The following AGAP1 variants were observed in gnomAD, a reference collection of about 807,000 sequenced individuals.
The protein encoded by AGAP1 is arf-GAP with GTPase, ANK repeat and PH domain-containing protein 1.
Under a neutral mutation model 105.3 loss-of-function variants are expected in AGAP1, and 29 were observed. That is an observed-to-expected ratio of 0.28 (90% CI 0.21 to 0.38). The LOEUF is 0.38. Ranked by LOEUF, AGAP1 falls within the 10% of genes least tolerant of loss-of-function variation. The probability of loss-of-function intolerance (pLI) is 1.00; values close to 1 mark genes in which losing one functional copy is unlikely to be tolerated. For missense variants in AGAP1, 998 were observed against 1,165.1 expected, an observed-to-expected ratio of 0.86 and a Z score of 2.09; for synonymous variants, 509 against 485.9, an observed-to-expected ratio of 1.05 and a Z score of -0.63.
chr2:236,035,217 G>T lies in AGAP1; in HGVS notation c.1646-1344G>T, dbSNP rs115226689. On this transcript the variant is annotated intron_variant, in intron 13 of 17. Coordinates refer to ENST00000304032, the MANE Select transcript of AGAP1 (RefSeq NM_001037131.3). The surrounding 1 kb of genome is among the most constrained non-coding windows in gnomAD (Gnocchi z 4.2). ...AGATAAGTAAAGTGGTTGGCAGGCA[G>T]GTAGGTGAAAGTCAGTACTAATAAT... 2.0e-3 allele frequency among the ~76,000 whole-genome samples: 298 copies of T among 152,304 alleles called. No individual in the cohort carries two copies. The highest frequency in any genetic ancestry group is 7.0e-3 in the African/African-American group (292 of 41,562).
Position 236,120,246 on chromosome 2 carries a change from C to T in AGAP1, c.2169C>T (p.Ala723=). 1.2e-6 allele frequency: 2 copies of T among 1,613,408 alleles called. No homozygotes were observed. Among genetic ancestry groups the T allele is most frequent in the Non-Finnish European group, 1.7e-6 (2 of 1,179,638 alleles). The change falls in exon 17 of 18, where the codon GCC becomes GCT. Residue 723 remains alanine (A), a synonymous_variant. Coordinates refer to ENST00000304032, the MANE Select transcript of AGAP1 (RefSeq NM_001037131.3). The surrounding 1 kb of genome is among the most constrained non-coding windows in gnomAD (Gnocchi z 6.0). ...AGTACGAGCAGAAGCTCTTCCTGGC[C>T]CCGCTGCCCTGCACGGAGCTGTCCC... ...RAKYEQKLFL[A]PLPCTELSLG... is the part of the protein sequence containing the mutation.
Position 235,535,541 on chromosome 2 carries a change from C to T in AGAP1, c.163+40692C>T, listed in dbSNP as rs1325352097. Among the ~76,000 whole-genome samples, 1 of 151,780 alleles carries T rather than the reference C, an allele frequency of 6.6e-6. No individual in the cohort carries two copies. Among genetic ancestry groups the T allele is most frequent in the Non-Finnish European group, 1.5e-5 (1 of 67,944 alleles). ...GAAATCCGTGTCCTCTTTATCCTCC[C>T]CTCTCTCTGTTCTGCGCGGCAGGTA... On this transcript the variant is annotated intron_variant, in intron 1 of 17. Coordinates refer to ENST00000304032, the MANE Select transcript of AGAP1 (RefSeq NM_001037131.3). The surrounding 1 kb of genome is among the most constrained non-coding windows in gnomAD (Gnocchi z 5.1).
chr2:235,816,492 C>G (rs1387546953), intron 9 of AGAP1, among the ~76,000 whole-genome samples: 1 of 151,148 alleles, frequency 6.6e-6, no homozygotes, highest in Non-Finnish European at 1.5e-5. Context: ...GACTCCAGGT[C>G]AGACTTAGGA....
intron 1 of AGAP1, among the ~76,000 whole-genome samples, chr2:235,554,659 A>G (rs1281577303): frequency 6.6e-6 from 1 of 152,128 alleles, no homozygotes; most frequent in Non-Finnish European, 1.5e-5. Flanking sequence ...TTTCCCTTTT[A>G]AAATCACGGA....
At position 235,737,766 on chromosome 2, in the gene AGAP1, G is replaced by A. The variant is rs145834728; in HGVS notation, c.311-3197G>A. On this transcript the variant is annotated intron_variant, in intron 3 of 17. Coordinates refer to ENST00000304032, the MANE Select transcript of AGAP1 (RefSeq NM_001037131.3). This position sits in a 1 kb window ranked among gnomAD's most constrained non-coding sequence, Gnocchi z 4.5. ...TCCCACTCCTGGAGAGGTAGGCAGC[G>A]AGGGACACTGGCGTTGCAGGGCCCC... Among the ~76,000 whole-genome samples the A allele has an allele frequency of 6.2e-3, 946 of 152,214 alleles. 15 individuals carry two copies. The highest frequency in any genetic ancestry group is 0.022 in the African/African-American group (895 of 41,526).
intron 1 of AGAP1, among the ~76,000 whole-genome samples, chr2:235,646,437 A>G (rs144985182): frequency 6.6e-6 from 1 of 152,314 alleles, no homozygotes; most frequent in East Asian, 1.9e-4. Flanking sequence ...GCAAGACTTG[A>G]AATGCAACAT....
chr2:235,590,903 A>G (rs1448096504), intron 1 of AGAP1, among the ~76,000 whole-genome samples: 1 of 149,728 alleles, frequency 6.7e-6, no homozygotes, highest in Non-Finnish European at 1.5e-5. Context: ...TTGTATTTTT[A>G]GTAGAGACGG....
intron 9 of AGAP1, among the ~76,000 whole-genome samples, chr2:235,869,930 T>TA (rs1244543592): frequency 6.6e-6 from 1 of 152,194 alleles, no homozygotes; most frequent in African/African-American, 2.4e-5. Flanking sequence ...CCCAGGGGTG[T>TA]AAAGCAGGAG....
chr2:235,699,513 C>T (rs1466637764), intron 1 of AGAP1, among the ~76,000 whole-genome samples: 2 of 152,124 alleles, frequency 1.3e-5, no homozygotes, highest in African/African-American at 4.8e-5. Flanking sequence ...ATCCTGGATA[C>T]TCCCTCCCTC....
At chr2:235,978,785 C>T (rs1453495674) in intron 13 of AGAP1, among the ~76,000 whole-genome samples, 2 of 152,172 alleles carry the variant, frequency 1.3e-5, no homozygotes, top group African/African-American at 2.4e-5. Context: ...GCCATGCCCA[C>T]GGCTCCCCAC....
At chr2:235,758,674 A>G (rs1000444812) in intron 6 of AGAP1, among the ~76,000 whole-genome samples, 10 of 152,250 alleles carry the variant, frequency 6.6e-5, no homozygotes, top group African/African-American at 1.9e-4. Flanking sequence ...CAAAGATGAC[A>G]TGAAGAAAGT....
In AGAP1 at chr2:235,559,113, G is replaced by A. The variant is rs372573525; in HGVS notation, c.163+64264G>A. On this transcript the variant is annotated intron_variant, in intron 1 of 17. Coordinates refer to ENST00000304032, the MANE Select transcript of AGAP1 (RefSeq NM_001037131.3). The surrounding 1 kb of genome is among the most constrained non-coding windows in gnomAD (Gnocchi z 5.7). ...AATATTTTGTATTCGTGTGTGTGTA[G>A]GTGGGGTCTTGCCATGTTGCCCAGG... is the stretch of plus-strand genomic sequence containing the variant. Among the ~76,000 whole-genome samples, 17 of 152,224 alleles carry A rather than the reference G, an allele frequency of 1.1e-4. No individual in the cohort carries two copies. The highest frequency in any genetic ancestry group is 3.9e-4 in the African/African-American group (16 of 41,530).
intron 1 of AGAP1, among the ~76,000 whole-genome samples, chr2:235,686,273 A>G (rs1949375712): frequency 6.6e-6 from 1 of 152,062 alleles, no homozygotes; most frequent in South Asian, 2.1e-4. Flanking sequence ...CAAGGTGAAT[A>G]GATGGTCAGA....
chr2:235,975,388 T>G (rs557593811), intron 13 of AGAP1, among the ~76,000 whole-genome samples: 1 of 152,204 alleles, frequency 6.6e-6, no homozygotes, highest in Non-Finnish European at 1.5e-5. Context: ...GCGTGGAAGC[T>G]CTCAGTTAAT....
At chr2:235,928,434 C>G (rs975580884) in intron 11 of AGAP1, among the ~76,000 whole-genome samples, 4 of 152,212 alleles carry the variant, frequency 2.6e-5, no homozygotes, top group Non-Finnish European at 4.4e-5. Context: ...GGTCACCCAG[C>G]AAGACAACTG....
At position 236,036,835 on chromosome 2, in the gene AGAP1, C is replaced by G; in HGVS notation, c.1800+120C>G. The stretch of plus-strand genomic sequence containing the variant: ...GTGTGAATGACAGGACCTAGCTATT[C>G]TTTATGAGCAGAAAGCTCAATAACT... On this transcript the variant is annotated intron_variant, in intron 14 of 17. Coordinates refer to ENST00000304032, the MANE Select transcript of AGAP1 (RefSeq NM_001037131.3). The surrounding 1 kb of genome is among the most constrained non-coding windows in gnomAD (Gnocchi z 5.7). 2 of 1,427,404 alleles carry G rather than the reference C, an allele frequency of 1.4e-6. No individual in the cohort carries two copies. The highest frequency in any genetic ancestry group is 1.9e-6 in the Non-Finnish European group (2 of 1,071,734). 88.4% of individuals were successfully genotyped at this position (1,427,404 alleles called of 1,614,324 possible). A position where few individuals can be genotyped will look rare whatever the true frequency, so the allele number is the denominator to read the frequency against.
At chr2:235,644,303 G>A (rs1947300054) in intron 1 of AGAP1, among the ~76,000 whole-genome samples, 2 of 152,198 alleles carry the variant, frequency 1.3e-5, no homozygotes, top group Admixed American at 1.3e-4. Context: ...AGCGGAGCCT[G>A]TTGCCAGCGC....
intron 1 of AGAP1, among the ~76,000 whole-genome samples, chr2:235,544,221 G>C (rs1943549890): frequency 6.6e-6 from 1 of 152,194 alleles, no homozygotes. Flanking sequence ...TTTTCAGGAG[G>C]GGTCTCTTCC....
intron 16 of AGAP1, among the ~76,000 whole-genome samples, chr2:236,079,535 A>G (rs2058727297): frequency 7.4e-6 from 1 of 135,804 alleles, no homozygotes. Context: ...GTCTCAAAAA[A>G]AAAAAATTAT....
Sources: gnomAD v4.1 joint callset for allele counts (sites outside exome capture counted in the v4.1 genomes callset) on GRCh38, gnomAD v4.1.1 for gene constraint, Gnocchi (gnomAD v3.1) non-coding constraint, MANE v1.5 for transcripts, NCBI Gene and HGNC (gene_info 2026-07-23, HGNC 2026-07-21) for gene names.